RPTOR: variants seen among roughly 807,000 people sequenced by gnomAD.
RPTOR encodes the protein regulatory-associated protein of mTOR.
A neutral mutation model predicts 169.9 loss-of-function variants in RPTOR; 21 were observed. That is an observed-to-expected ratio of 0.12 (90% CI 0.09 to 0.18). The LOEUF (loss-of-function observed/expected upper bound fraction) is 0.18, where lower values mean the gene tolerates loss of function less well. RPTOR is among the 10% of genes least tolerant of loss of function. The pLI is 1.00. For missense variants in RPTOR, 1,133 were observed against 1,855.9 expected (o/e 0.61, Z 7.16); for synonymous variants, 732 against 753.2 (o/e 0.97, Z 0.46).
At chr17:80,560,414 A>G (rs937622321) in intron 1 of RPTOR, among the ~76,000 whole-genome samples, 2 of 152,180 alleles carry the variant, frequency 1.3e-5, no homozygotes, top group African/African-American at 4.8e-5. Context: ...TGCGGATACC[A>G]TGGGGAGTAA....
intron 13 of RPTOR, among the ~76,000 whole-genome samples, chr17:80,872,674 G>T (rs1440430428): frequency 6.6e-6 from 1 of 152,222 alleles, no homozygotes. Flanking sequence ...GAACCCGGAG[G>T]GGGCTGTCTG....
At chr17:80,564,600 C>T (rs2084552541) in intron 1 of RPTOR, among the ~76,000 whole-genome samples, 1 of 120,474 alleles carries the variant, frequency 8.3e-6, no homozygotes, top group African/African-American at 2.9e-5. Context: ...AAGCCTAGTA[C>T]CCAACAGCTT....
In RPTOR at chr17:80,685,521, T is replaced by C. The variant is rs1284767232; in HGVS notation, c.349-22320T>C. Among the ~76,000 whole-genome samples the C allele has an allele frequency of 2.7e-5, 4 of 145,958 alleles. No individual in the cohort carries two copies. In the East Asian group the frequency reaches 8.1e-4, roughly 29 times the overall value. On this transcript the variant is annotated intron_variant, in intron 3 of 33. Coordinates refer to ENST00000306801, the MANE Select transcript of RPTOR (RefSeq NM_020761.3). ...ACTCCTGGGGTCAAGTGATCCTCCA[T>C]CCTTGGCCTCCCAAAGTGCTGGGAT...
rs143438982 is a variant in RPTOR at position 80,581,107 on chromosome 17, G to A, written c.162+35316G>A. On this transcript the variant is annotated intron_variant, in intron 1 of 33. Coordinates refer to ENST00000306801, the MANE Select transcript of RPTOR (RefSeq NM_020761.3). ...TACAGATTTGGAAGGCGTGATTACT[G>A]AGTGCTGATGATATAAAGCTGGGAA... Among the ~76,000 whole-genome samples the A allele has an allele frequency of 1.4e-3, 206 of 152,322 alleles. 2 individuals are homozygous for A. The highest frequency in any genetic ancestry group is 5.8e-3 in the East Asian group (30 of 5,188).
At position 80,556,053 on chromosome 17, in the gene RPTOR, T is replaced by A. The variant is rs115934606; in HGVS notation, c.162+10262T>A. Among the ~76,000 whole-genome samples, 1,312 of 149,342 alleles carry A rather than the reference T, an allele frequency of 8.8e-3. 19 individuals are homozygous for A. Among genetic ancestry groups the A allele is most frequent in the African/African-American group, 0.031 (1,258 of 40,472 alleles). ...TTTTTTTTTCTTAAATCTAGGTAGA[T>A]ACTTTGTGGTTCCCGAGACTCACAT... On this transcript the variant is annotated intron_variant, in intron 1 of 33. Transcript: ENST00000306801.
At chr17:80,920,677 C>T (rs1016650687) in intron 21 of RPTOR, among the ~76,000 whole-genome samples, 10 of 152,230 alleles carry the variant, frequency 6.6e-5, no homozygotes, top group Non-Finnish European at 1.5e-5. Context: ...CCTGAGTCAC[C>T]GGCCCCAGCC....
At chr17:80,634,603 C>CCG (rs1567831212) in intron 2 of RPTOR, among the ~76,000 whole-genome samples, 1 of 26,208 alleles carries the variant, frequency 3.8e-5, no homozygotes, top group Non-Finnish European at 6.5e-5. Flanking sequence ...TGTGTGCGTA[C>CCG]TGTGTGTGTA....
intron 26 of RPTOR, among the ~76,000 whole-genome samples, chr17:80,946,984 CTTTG>C (rs149127561): frequency 0.017 from 2,596 of 152,274 alleles, 75 homozygotes; most frequent in African/African-American, 0.059. Flanking sequence ...ATTATTCTCT[CTTTG>C]TTTGTTTGTT....
rs568913909 is a variant in RPTOR at position 80,583,748 on chromosome 17, G to A, written c.162+37957G>A. ...CCCTGAGGAAAGCTATTGTAGAGTAGAAACGAGAATGCACCCCCGGAATCA... is the reference window on the plus strand; with the variant it reads ...CCCTGAGGAAAGCTATTGTAGAGTAAAAACGAGAATGCACCCCCGGAATCA... On this transcript the variant is annotated intron_variant, in intron 1 of 33. Coordinates refer to ENST00000306801, the MANE Select transcript of RPTOR (RefSeq NM_020761.3). 3.2e-4 allele frequency among the ~76,000 whole-genome samples: 48 copies of A among 152,354 alleles called. 1 individual carries two copies. Among genetic ancestry groups the A allele is most frequent in the African/African-American group, 1.1e-3 (45 of 41,592 alleles).
chr17:80,663,598 T>C (rs756371879), intron 3 of RPTOR, among the ~76,000 whole-genome samples: 1 of 152,250 alleles, frequency 6.6e-6, no homozygotes, highest in Non-Finnish European at 1.5e-5. Flanking sequence ...GAAGGCAGCC[T>C]GTGCTTATGT....
At chr17:80,622,015 G>A (rs1204979611) in intron 1 of RPTOR, among the ~76,000 whole-genome samples, 1 of 152,234 alleles carries the variant, frequency 6.6e-6, no homozygotes, top group Non-Finnish European at 1.5e-5. Context: ...TTTGCTAGAG[G>A]AGCCTAACAT....
At chr17:80,906,372 A>T (rs1035765025) in intron 20 of RPTOR, among the ~76,000 whole-genome samples, 1 of 152,210 alleles carries the variant, frequency 6.6e-6, no homozygotes, top group Admixed American at 6.5e-5. Context: ...CTACACGGCT[A>T]TCGCAGAGCT....
At chr17:80,703,707 C>T (rs754831107) in intron 3 of RPTOR, among the ~76,000 whole-genome samples, 1 of 152,192 alleles carries the variant, frequency 6.6e-6, no homozygotes, top group Non-Finnish European at 1.5e-5. Context: ...CCAGTACTGC[C>T]GGAGGAGCCT....
chr17:80,962,695 T>C (rs1382614614), intron 32 of RPTOR, 118 bp downstream of exon 32: 1 of 1,104,918 alleles, frequency 9.1e-7, no homozygotes, highest in Non-Finnish European at 1.3e-6. Context: ...AGGATTTCAC[T>C]GCTGTGGGGA....
At chr17:80,893,889 C>T (rs755125667) in intron 20 of RPTOR, 24 bp downstream of exon 20, 69 of 1,508,592 alleles carry the variant, frequency 4.6e-5, no homozygotes, top group African/African-American at 3.2e-4. Flanking sequence ...CCCCTTTCTG[C>T]TTCCGAGGGG....
chr17:80,681,067 A>T (rs9897426), intron 3 of RPTOR, among the ~76,000 whole-genome samples: 38,010 of 151,954 alleles, frequency 0.25, 6,264 homozygotes, highest in African/African-American at 0.47. Context: ...CATGGGTTTG[A>T]CAGAGGTGAG....
intron 3 of RPTOR, among the ~76,000 whole-genome samples, chr17:80,667,066 C>T (rs191184284): frequency 2.1e-4 from 32 of 152,286 alleles, no homozygotes; most frequent in African/African-American, 6.3e-4. Context: ...CCAATAACCC[C>T]GGGAGGAAGG....
At chr17:80,751,763 A>G (rs1462122581) in intron 5 of RPTOR, among the ~76,000 whole-genome samples, 1 of 152,210 alleles carries the variant, frequency 6.6e-6, no homozygotes, top group Non-Finnish European at 1.5e-5. Flanking sequence ...GAATTGTGTA[A>G]GTCACAAACA....
At chr17:80,951,290 G>A (rs923223307) in intron 28 of RPTOR, among the ~76,000 whole-genome samples, 21 of 152,208 alleles carry the variant, frequency 1.4e-4, no homozygotes, top group Non-Finnish European at 2.6e-4. Flanking sequence ...GCTGCCCCAC[G>A]GGCTCTCAGT....
Sources: gnomAD v4.1 joint callset for allele counts (sites outside exome capture counted in the v4.1 genomes callset) on GRCh38, gnomAD v4.1.1 for gene constraint, MANE v1.5 for transcripts, NCBI Gene and HGNC (gene_info 2026-07-23, HGNC 2026-07-21) for gene names.